The following NWD1 variants were observed in gnomAD, a reference collection of about 807,000 sequenced individuals.
NWD1 encodes the protein NACHT and WD repeat domain containing 1.
NWD1 carries 129 observed loss-of-function variants against 135.1 expected under a neutral mutation model. The ratio of observed to expected loss-of-function variants is 0.96; its 90% CI spans 0.83 to 1.11. The LOEUF (loss-of-function observed/expected upper bound fraction) is 1.11. Among genes scored for constraint, NWD1 ranks in the 50% least tolerant of loss-of-function variants. NWD1 has a pLI of 0.00. For synonymous variants in NWD1, 773 were observed against 786.0 expected, an observed-to-expected ratio of 0.98 and a Z score of 0.28; for missense variants, 1,740 against 1,851.3, an observed-to-expected ratio of 0.94 and a Z score of 1.10.
intron 2 of NWD1, chr19:16,727,748 C>T (rs1023428405): frequency 6.5e-6 from 1 of 153,040 alleles, no homozygotes; most frequent in Non-Finnish European, 1.5e-5. Context: ...ATGGGCACAG[C>T]TCATGGAGTC....
intron 8 of NWD1, 41 bp downstream of exon 8, chr19:16,762,179 A>G (rs369840737): frequency 1.3e-6 from 2 of 1,583,670 alleles, no homozygotes; most frequent in African/African-American, 2.7e-5. Context: ...TGCAACCTCC[A>G]CCCTGCCTGG....
chr19:16,753,217 G>A (rs1451230688), intron 6 of NWD1, among the ~76,000 whole-genome samples: 1 of 152,148 alleles, frequency 6.6e-6, no homozygotes, highest in Non-Finnish European at 1.5e-5. Context: ...CTTGCCTTGA[G>A]CCACAGTTGG....
At chr19:16,813,623 C>CCCA (rs892998328) in intron 18 of NWD1, among the ~76,000 whole-genome samples, 3 of 151,826 alleles carry the variant, frequency 2.0e-5, no homozygotes, top group African/African-American at 7.3e-5. Flanking sequence ...ATTACGGGCG[C>CCCA]CCACCACCAC....
intron 15 of NWD1, among the ~76,000 whole-genome samples, chr19:16,795,415 C>CTTT (rs869281364): frequency 1.5e-5 from 2 of 136,348 alleles, no homozygotes; most frequent in African/African-American, 5.5e-5. Context: ...TGCTAATTAC[C>CTTT]TTTTTTTTTT....
At chr19:16,811,586 G>GAAAA (rs374876983) in intron 18 of NWD1, among the ~76,000 whole-genome samples, 7 of 61,604 alleles carry the variant, frequency 1.1e-4, no homozygotes, top group Non-Finnish European at 7.0e-5. Context: ...CTCTGTCTCA[G>GAAAA]AAAAAAAAAA....
chr19:16,814,890 T>C (rs1971021795), intron 18 of NWD1, 138 bp from the exon 19 acceptor site: 1 of 685,738 alleles, frequency 1.5e-6, no homozygotes, highest in Non-Finnish European at 2.5e-6. Context: ...GAGGGACTCT[T>C]TGGCATAATA....
chr19:16,768,110 TCAGCCTC>T (rs1969293291), intron 10 of NWD1, among the ~76,000 whole-genome samples: 1 of 147,730 alleles, frequency 6.8e-6, no homozygotes, highest in Non-Finnish European at 1.5e-5. Flanking sequence ...TTGTCCTGCC[TCAGCCTC>T]CAGAGTAGCT....
At chr19:16,807,515 AACC>A (rs762670129) in intron 17 of NWD1, 68 bp from the exon 18 acceptor site, 759 of 1,320,262 alleles carry the variant, frequency 5.7e-4, no homozygotes, top group Non-Finnish European at 7.7e-4. Context: ...AAACAAAAAA[AACC>A]ACCAGGGAAG....
intron 1 of NWD1, among the ~76,000 whole-genome samples, chr19:16,721,237 G>T (rs936951454): frequency 1.3e-5 from 2 of 151,948 alleles, no homozygotes; most frequent in Admixed American, 1.3e-4. Flanking sequence ...GAAATGCTTT[G>T]CAACATCCTA....
At chr19:16,720,778 C>A (rs963042185) in intron 1 of NWD1, among the ~76,000 whole-genome samples, 2 of 152,152 alleles carry the variant, frequency 1.3e-5, no homozygotes, top group Non-Finnish European at 2.9e-5. Context: ...TGGTCTCGAT[C>A]TCCTGACCTC....
intron 5 of NWD1, among the ~76,000 whole-genome samples, chr19:16,745,980 G>A (rs1431117916): frequency 1.3e-5 from 2 of 151,902 alleles, no homozygotes; most frequent in Non-Finnish European, 2.9e-5. Flanking sequence ...AGTGTTTAGG[G>A]ACTCTAACTC....
At chr19:16,734,560 T>TC (rs905026832) in intron 3 of NWD1, among the ~76,000 whole-genome samples, 4 of 66,678 alleles carry the variant, frequency 6.0e-5, no homozygotes, top group African/African-American at 3.2e-4. Flanking sequence ...ATTTTCTTTC[T>TC]TTTTTTTTTT....
chr19:16,726,777 T>C (rs765545501), intron 2 of NWD1, among the ~76,000 whole-genome samples: 7 of 152,192 alleles, frequency 4.6e-5, no homozygotes, highest in Non-Finnish European at 1.0e-4. Context: ...TGCTGACAAC[T>C]GGGAACAGAT....
chr19:16,791,271 G>A (rs932784652), intron 13 of NWD1, 79 bp from the exon 14 acceptor site: 9 of 1,225,284 alleles, frequency 7.3e-6, no homozygotes, highest in South Asian at 2.6e-5. Flanking sequence ...ACAAGAGAAG[G>A]CATCTTGCAT....
At chr19:16,760,485 C>G (rs528306101) in intron 7 of NWD1, among the ~76,000 whole-genome samples, 1 of 152,074 alleles carries the variant, frequency 6.6e-6, no homozygotes, top group Admixed American at 6.6e-5. Context: ...GTCTCGAGCT[C>G]CTGGGCTCAA....
Position 16,749,308 on chromosome 19 carries a change from C to T in NWD1, c.666C>T (p.Asn222=). ...ADGCLDADAQ[N]LLSSLKSHIT... ...GCTGCCTGGACGCTGATGCCCAGAA[C>T]CTTCTCAGCAGCCTCAAAAGTCACA... The change falls in exon 6 of 19, where the codon AAC becomes AAT. Residue 222 remains asparagine, a synonymous_variant. Transcript: ENST00000524140. 6.2e-7 allele frequency: 1 copy of T among 1,613,952 alleles called. No individual in the cohort carries two copies. The highest frequency in any genetic ancestry group is 1.1e-5 in the South Asian group (1 of 91,066).
chr19:16,739,329 C>CAA lies in NWD1; in HGVS notation c.198+2604_198+2605dup, dbSNP rs67106916. Among the ~76,000 whole-genome samples the CAA allele has an allele frequency of 6.1e-4, 48 of 78,944 alleles. 1 individual carries two copies. The highest frequency in any genetic ancestry group is 3.3e-3 in the South Asian group (7 of 2,138). The allele number at this position is 78,944 out of a possible 152,430, so 51.8% of individuals were successfully genotyped here. On this transcript the variant is annotated intron_variant, in intron 4 of 18. Transcript: ENST00000524140. Reference sequence around the variant, plus strand: ...TAACATAGTGAGACCCTATCTCTACCAAAAAAAAAAAAAAAAAAAAAAAAA... The same window carrying CAA: ...TAACATAGTGAGACCCTATCTCTACCAAAAAAAAAAAAAAAAAAAAAAAAAAA...
Position 16,759,120 on chromosome 19 carries a change from TG to T in NWD1, c.1770-103del, listed in dbSNP as rs908506002. The T allele has an allele frequency of 7.9e-6, 7 of 889,458 alleles. No homozygotes were observed. In the African/African-American group the frequency reaches 1.1e-4, roughly 14 times the overall value. The allele number at this position is 889,458 out of a possible 1,614,324, so 55.1% of individuals were successfully genotyped here. A position where few individuals can be genotyped will look rare whatever the true frequency, so the allele number is the denominator to read the frequency against. ...CAAATGCTGATCCCAGGTGATGTGC[TG>T]GACACCGCGCGGGTGGCTGTATCCC... On this transcript the variant is annotated intron_variant, in intron 6 of 18. Coordinates refer to ENST00000524140, the MANE Select transcript of NWD1 (RefSeq NM_001007525.5).
intron 4 of NWD1, among the ~76,000 whole-genome samples, chr19:16,740,681 G>A (rs1406693683): frequency 7.4e-6 from 1 of 134,450 alleles, no homozygotes; most frequent in Non-Finnish European, 1.5e-5. Context: ...GAGTTGCTCC[G>A]TTACCCAGGC....
Sources: gnomAD v4.1 joint callset for allele counts (sites outside exome capture counted in the v4.1 genomes callset) on GRCh38, gnomAD v4.1.1 for gene constraint, MANE v1.5 for transcripts, NCBI Gene and HGNC (gene_info 2026-07-23, HGNC 2026-07-21) for gene names.